The following SCN10A variants were observed in gnomAD, a reference collection of about 807,000 sequenced individuals.
SCN10A encodes the protein sodium voltage-gated channel alpha subunit 10.
In SCN10A, 162 loss-of-function variants were observed where a neutral mutation model predicts 170.7. That is an observed-to-expected ratio of 0.95 (90% confidence interval 0.84 to 1.08). SCN10A has a LOEUF of 1.08. Ranked by LOEUF, SCN10A falls within the 50% of genes least tolerant of loss-of-function variation. The pLI is 0.00. For synonymous variants in SCN10A, 985 were observed against 904.6 expected (o/e 1.09, Z -1.59); for missense variants, 2,527 against 2,436.9 (o/e 1.04, Z -0.78).
At chr3:38,711,665 A>T (rs1026931670) in intron 23 of SCN10A, among the ~76,000 whole-genome samples, 1 of 152,246 alleles carries the variant, frequency 6.6e-6, no homozygotes, top group Admixed American at 6.5e-5. Context: ...CACTTGAATG[A>T]ACAGAGGACT....
Position 38,726,460 on chromosome 3 carries a change from T to C in SCN10A, c.3087+146A>G, listed in dbSNP as rs1442711962. 4.8e-6 allele frequency: 3 copies of C among 623,570 alleles called. No homozygotes were observed. In the East Asian group the frequency reaches 8.3e-5, roughly 17 times the overall value. 38.6% of individuals were successfully genotyped at this position (623,570 alleles called of 1,614,324 possible). On this transcript the variant is annotated intron_variant, in intron 17 of 27. Coordinates refer to ENST00000449082, the MANE Select transcript of SCN10A (RefSeq NM_006514.4). ...TCTGACTTTTTCTTCCAGGCCCTGC[T>C]CAAACGCCAACTCCTCTGGAAAGCT... is the stretch of plus-strand genomic sequence containing the variant.
At chr3:38,801,258 C>T (rs1008246774) in intron 1 of SCN10A, among the ~76,000 whole-genome samples, 2 of 152,132 alleles carry the variant, frequency 1.3e-5, no homozygotes, top group Admixed American at 6.6e-5. Context: ...TACTCAAATC[C>T]TCGATTCACA....
intron 8 of SCN10A, among the ~76,000 whole-genome samples, chr3:38,758,122 G>A (rs942035228): frequency 6.6e-6 from 1 of 152,024 alleles, no homozygotes; most frequent in Non-Finnish European, 1.5e-5. Flanking sequence ...AACCTCTGGG[G>A]CTCTCCTTAT....
chr3:38,739,856 G>A (rs1239015725), intron 14 of SCN10A, among the ~76,000 whole-genome samples, 168 bp from the exon 15 acceptor site: 5 of 152,216 alleles, frequency 3.3e-5, no homozygotes, highest in Admixed American at 6.5e-5. Flanking sequence ...AACAGTCAAC[G>A]TGACAGAATG....
chr3:38,701,347 A>G (rs1453458019), intron 27 of SCN10A, among the ~76,000 whole-genome samples: 1 of 152,132 alleles, frequency 6.6e-6, no homozygotes, highest in Non-Finnish European at 1.5e-5. Context: ...TAGAGATTTA[A>G]TTCCAGACCC....
chr3:38,790,490 T>A (rs2064266670), intron 3 of SCN10A, among the ~76,000 whole-genome samples: 1 of 152,052 alleles, frequency 6.6e-6, no homozygotes, highest in Admixed American at 6.6e-5. Flanking sequence ...TCTAATTAGC[T>A]GTTTCTTACT....
At chr3:38,759,374 T>C (rs970425561) in intron 8 of SCN10A, among the ~76,000 whole-genome samples, 1 of 152,072 alleles carries the variant, frequency 6.6e-6, no homozygotes, top group African/African-American at 2.4e-5. Flanking sequence ...CCACCTGGAA[T>C]GGTCTTCGCT....
intron 11 of SCN10A, among the ~76,000 whole-genome samples, chr3:38,755,528 A>T (rs535183488): frequency 6.6e-6 from 1 of 151,634 alleles, no homozygotes; most frequent in South Asian, 2.1e-4. Flanking sequence ...GTCAAATTGG[A>T]CTCCCCTTTC....
At chr3:38,791,405 A>G (rs1185561673) in intron 3 of SCN10A, among the ~76,000 whole-genome samples, 1 of 152,162 alleles carries the variant, frequency 6.6e-6, no homozygotes, top group African/African-American at 2.4e-5. Flanking sequence ...CATTTGACCA[A>G]TGTGTCTCTA....
intron 4 of SCN10A, among the ~76,000 whole-genome samples, chr3:38,782,965 C>T (rs1204594094): frequency 6.6e-6 from 1 of 152,056 alleles, no homozygotes; most frequent in East Asian, 1.9e-4. Context: ...GAGGTTGAAG[C>T]CTGAGATTGG....
chr3:38,718,826 C>T lies in SCN10A; in HGVS notation c.3508G>A (p.Ala1170Thr). Residue 1170 changes from alanine (A) to threonine (T), a missense_variant and splice_region_variant, in exon 21 of 28, where the codon GCC (alanine) becomes ACC (threonine). Coordinates refer to ENST00000449082, the MANE Select transcript of SCN10A (RefSeq NM_006514.4). ...TGGTCCAGGTAATAGTCTTCAAAGG[C>T]CTGGAAGGAAGAAAGGATGCAGAAT... ...FMILLSSGSL[A>T]FEDYYLDQKP... 1 of 1,613,752 alleles carries T rather than the reference C, an allele frequency of 6.2e-7. No individual in the cohort carries two copies. Among genetic ancestry groups the T allele is most frequent in the African/African-American group, 1.3e-5 (1 of 75,026 alleles).
intron 27 of SCN10A, among the ~76,000 whole-genome samples, chr3:38,699,043 C>G (rs559961814): frequency 6.6e-6 from 1 of 152,224 alleles, no homozygotes; most frequent in Admixed American, 6.5e-5. Context: ...CTACCTCCTA[C>G]TGTGAAGATT....
intron 4 of SCN10A, among the ~76,000 whole-genome samples, chr3:38,787,489 CT>C (rs746408560): frequency 6.6e-6 from 1 of 150,940 alleles, no homozygotes; most frequent in Non-Finnish European, 1.5e-5. Context: ...TCTTCTTGCA[CT>C]TTTTTTTTCT....
At chr3:38,738,994 T>C (rs2063600024) in intron 15 of SCN10A, among the ~76,000 whole-genome samples, 1 of 152,194 alleles carries the variant, frequency 6.6e-6, no homozygotes, top group South Asian at 2.1e-4. Flanking sequence ...GCTGGGGCTC[T>C]GGAGTCAGAC....
At chr3:38,732,259 G>C (rs1359580042) in intron 15 of SCN10A, among the ~76,000 whole-genome samples, 1 of 152,210 alleles carries the variant, frequency 6.6e-6, no homozygotes, top group Non-Finnish European at 1.5e-5. Context: ...TGGTGGAATG[G>C]AGATGGAGAC....
intron 15 of SCN10A, among the ~76,000 whole-genome samples, chr3:38,730,092 C>T (rs1043211356): frequency 3.9e-5 from 6 of 152,250 alleles, no homozygotes; most frequent in East Asian, 3.9e-4. Flanking sequence ...GAGCAGGAAA[C>T]GTAGTCCATG....
intron 1 of SCN10A, among the ~76,000 whole-genome samples, chr3:38,812,640 C>G (rs73826374): frequency 0.11 from 16,098 of 152,080 alleles, 931 homozygotes; most frequent in South Asian, 0.19. Context: ...AACTACTGTT[C>G]GTTTTCTGTT....
intron 4 of SCN10A, among the ~76,000 whole-genome samples, chr3:38,786,474 G>A (rs2126054741): frequency 6.6e-6 from 1 of 151,962 alleles, no homozygotes; most frequent in Non-Finnish European, 1.5e-5. Context: ...ACCAGGGCCT[G>A]TTGAGGGGTT....
chr3:38,722,423 A>G lies in SCN10A; in HGVS notation c.3353-11T>C, dbSNP rs2063400938. ...AGTGGCGAATGCATCCTGTGGGGAG[A>G]GGTGACTGATGGTGGGTGATGGCCA... is the stretch of plus-strand genomic sequence containing the variant. On this transcript the variant is annotated splice_polypyrimidine_tract_variant and intron_variant, in intron 19 of 27. Transcript: ENST00000449082. The G allele has an allele frequency of 6.2e-7, 1 of 1,611,864 alleles. No homozygotes were observed. The highest frequency in any genetic ancestry group is 8.5e-7 in the Non-Finnish European group (1 of 1,179,036).
Sources: allele counts gnomAD v4.1 joint callset (sites outside exome capture counted in the v4.1 genomes callset), GRCh38; gene constraint gnomAD v4.1.1; transcripts MANE v1.5; gene names NCBI Gene and HGNC (gene_info 2026-07-23, HGNC 2026-07-21).